GART: variants seen among roughly 807,000 people sequenced by gnomAD.
The protein encoded by GART is phosphoribosylglycinamide formyltransferase, phosphoribosylglycinamide synthetase, phosphoribosylaminoimidazole synthetase, also known as trifunctional purine biosynthetic protein adenosine-3.
Under a neutral mutation model 107.2 loss-of-function variants are expected in GART, and 43 were observed. That is an observed-to-expected ratio of 0.40 (90% CI 0.31 to 0.52). The LOEUF is 0.52. GART is among the 20% of genes least tolerant of loss of function. The pLI is 0.52. For missense variants in GART, 1,107 were observed against 1,206.5 expected (o/e 0.92, Z 1.22); for synonymous variants, 434 against 427.0 (o/e 1.02, Z -0.20).
At chr21:33,542,812 G>A (rs1385168648), upstream of GART, 7 of 526,254 alleles carry the variant, frequency 1.3e-5, no homozygotes, top group East Asian at 1.0e-4. Flanking sequence ...CGCCTCAAGA[G>A]AGACGGCTCC....
rs1397938287 is a variant in GART at position 33,528,673 on chromosome 21, T to C, written c.812-69A>G. On this transcript the variant is annotated intron_variant, in intron 8 of 21. Transcript: ENST00000381815. ...TATGATGAAGACACTGTATTACAAATATAAAATCTACTACATAAACTTCTA... is the reference window on the plus strand; with the variant it reads ...TATGATGAAGACACTGTATTACAAACATAAAATCTACTACATAAACTTCTA... The C allele has an allele frequency of 2.8e-6, 3 of 1,082,182 alleles. No individual in the cohort carries two copies. The Admixed American group carries it at 9.2e-5, about 33-fold the overall frequency. 67.0% of individuals were successfully genotyped at this position (1,082,182 alleles called of 1,614,324 possible).
rs2084900040 is a variant in GART, at chr21:33,517,511, AG to A, written c.1799del (p.Pro600LeufsTer15). ...CACCCTCAGTGATTCTTTCCAGGTG[AG>A]GGAGTTTCTGATCTCGCTCCATGGC... Reference protein sequence around the residue: ...VGAMERDQKLPHLERITEGDV... With the variant: ...VGAMERDQKLXHLERITEGDV... On this transcript the variant is annotated frameshift_variant, in exon 15 of 22. Coordinates refer to ENST00000381815, the MANE Select transcript of GART (RefSeq NM_000819.5). LOFTEE classifies it high-confidence loss of function. 1.9e-6 allele frequency: 3 copies of A among 1,614,100 alleles called. No individual in the cohort carries two copies. The highest frequency in any genetic ancestry group is 1.3e-5 in the African/African-American group (1 of 74,936).
rs769851574 is a variant in GART at position 33,535,258 on chromosome 21, C to T, written c.208G>A (p.Val70Ile). Residue 70 changes from valine to isoleucine, a missense_variant, in exon 3 of 22, where the codon GTA becomes ATA. Transcript: ENST00000381815. ...QFCKEKKIEF[V>I]VVGPEAPLAA... ...AGAGGTGCTTCTGGTCCAACAACTA[C>T]AAATTCAATTTTCTTCTCTTTGCAG... 2.0e-5 allele frequency: 27 copies of T among 1,381,846 alleles called. No homozygotes were observed. Among genetic ancestry groups the T allele is most frequent in the Non-Finnish European group, 1.1e-5 (11 of 1,037,614 alleles). 85.6% of individuals were successfully genotyped at this position (1,381,846 alleles called of 1,614,324 possible).
chr21:33,510,655 G>A (rs1331994760), intron 17 of GART, among the ~76,000 whole-genome samples: 1 of 152,144 alleles, frequency 6.6e-6, no homozygotes, highest in Non-Finnish European at 1.5e-5. Flanking sequence ...ATTGTAATGT[G>A]AGCTGAAGGA....
chr21:33,525,016 T>C lies in GART; in HGVS notation c.1067-16A>G, dbSNP rs1032646663. On this transcript the variant is annotated splice_polypyrimidine_tract_variant and intron_variant, in intron 10 of 21. Coordinates refer to ENST00000381815, the MANE Select transcript of GART (RefSeq NM_000819.5). ...TCAGGAAACCCTAGAAGAGAGCATA[T>C]TTGACATATGATTTCAAATAGCAAC... 6.2e-7 allele frequency: 1 copy of C among 1,605,106 alleles called. No individual in the cohort carries two copies. Among genetic ancestry groups the C allele is most frequent in the Admixed American group, 1.7e-5 (1 of 58,148 alleles).
rs376188942 is a variant in GART at position 33,504,085 on chromosome 21, A to G, written c.*39T>C. The stretch of plus-strand genomic sequence containing the variant: ...AAAACCACCATGCAAACAGCAAATA[A>G]TTCTTTCTAAACTGGCCCCATTTCT... On this transcript the variant is annotated 3_prime_UTR_variant, in exon 22 of 22. Transcript: ENST00000381815. The G allele has an allele frequency of 1.6e-5, 25 of 1,540,802 alleles. No homozygotes were observed. In the African/African-American group the frequency reaches 2.6e-4, roughly 16 times the overall value.
At chr21:33,512,344 C>T (rs186542529) in intron 16 of GART, among the ~76,000 whole-genome samples, 1 of 102,710 alleles carries the variant, frequency 9.7e-6, no homozygotes, top group Non-Finnish European at 2.1e-5. Flanking sequence ...AATAATACAA[C>T]AAAAATCTCT....
chr21:33,505,463 G>A (rs926393242), intron 20 of GART, 98 bp downstream of exon 20: 12 of 956,560 alleles, frequency 1.3e-5, no homozygotes, highest in Non-Finnish European at 1.7e-5. Context: ...TGGATTTCTG[G>A]GATGGGTGTT....
chr21:33,504,371 C>G (rs1279981983), intron 21 of GART, 41 bp downstream of exon 21: 2 of 1,609,254 alleles, frequency 1.2e-6, no homozygotes, highest in Admixed American at 1.7e-5. Context: ...TCATTTACAT[C>G]TGACTACTAA....
intron 1 of GART, among the ~76,000 whole-genome samples, chr21:33,541,073 C>T (rs2085405516): frequency 6.6e-6 from 1 of 151,852 alleles, no homozygotes; most frequent in African/African-American, 2.4e-5. Flanking sequence ...TCGGAAGGAA[C>T]AGCTACTTTA....
chr21:33,528,647 C>T (rs2085121999), intron 8 of GART, 43 bp from the exon 9 acceptor site: 7 of 1,303,994 alleles, frequency 5.4e-6, no homozygotes, highest in Non-Finnish European at 7.4e-6. Flanking sequence ...GAAAGAAAAT[C>T]TATGATGAAG....
At chr21:33,542,127 G>T (rs767121078), upstream of GART, 4 of 152,070 alleles carry the variant, frequency 2.6e-5, no homozygotes, top group Admixed American at 2.6e-4. Flanking sequence ...CACCGGGACC[G>T]GCGCGGGACC....
intron 1 of GART, among the ~76,000 whole-genome samples, chr21:33,541,617 A>G (rs2085427860): frequency 6.6e-6 from 1 of 152,206 alleles, no homozygotes; most frequent in African/African-American, 2.4e-5. Context: ...ACGCTGCCCC[A>G]TACTAGCAGG....
chr21:33,516,874 G>T, intron 16 of GART, 115 bp downstream of exon 16: 1 of 899,798 alleles, frequency 1.1e-6, no homozygotes, highest in Non-Finnish European at 1.7e-6. Context: ...AACCCCCAAT[G>T]ATTAAGAATT....
chr21:33,518,718 G>T, intron 14 of GART: 4 of 440,106 alleles, frequency 9.1e-6, no homozygotes, highest in South Asian at 1.8e-5. Context: ...CTCCTTACAA[G>T]ATCTAGAACT....
At position 33,530,782 on chromosome 21, in the gene GART, C is replaced by G; in HGVS notation, c.700G>C (p.Gly234Arg). 6.6e-7 allele frequency: 1 copy of G among 1,515,580 alleles called. No homozygotes were observed. The highest frequency in any genetic ancestry group is 8.8e-7 in the Non-Finnish European group (1 of 1,137,622). The allele number at this position is 1,515,580 out of a possible 1,614,324, so 93.9% of individuals were successfully genotyped here. Residue 234 changes from glycine (G) to arginine (R), a missense_variant, in exon 7 of 22, where the codon GGA (glycine) becomes CGA (arginine). By Grantham distance (125) the Gly-to-Arg change is moderately radical. Transcript: ENST00000381815. The part of the protein sequence containing the change: ...GDGGPNTGGM[G>R]AYCPAPQVSN... ...ACCTGAGGGGCTGGACAATAGGCTC[C>G]CATTCCCCCTGTGTTAGGGCCACCA...
intron 7 of GART, among the ~76,000 whole-genome samples, chr21:33,530,222 G>A (rs752628473): frequency 4.6e-5 from 7 of 152,206 alleles, no homozygotes; most frequent in Non-Finnish European, 8.8e-5. Flanking sequence ...AAACTGTGCC[G>A]AAATTGTTTG....
In GART at chr21:33,504,091, T is replaced by C. The variant is rs1316271942; in HGVS notation, c.*33A>G. ...ACCATGCAAACAGCAAATAATTCTTTCTAAACTGGCCCCATTTCTGAATTA... is the reference window on the plus strand; with the variant it reads ...ACCATGCAAACAGCAAATAATTCTTCCTAAACTGGCCCCATTTCTGAATTA... On this transcript the variant is annotated 3_prime_UTR_variant, in exon 22 of 22. Transcript: ENST00000381815. The C allele has an allele frequency of 1.3e-6, 2 of 1,559,068 alleles. No homozygotes were observed. The highest frequency in any genetic ancestry group is 2.3e-5 in the East Asian group (1 of 44,326).
intron 14 of GART, chr21:33,518,980 C>T: frequency 2.8e-6 from 1 of 357,632 alleles, no homozygotes; most frequent in South Asian, 2.4e-5. Context: ...AACATACTCA[C>T]CCCTTCAATA....
Sources: gnomAD v4.1 joint callset for allele counts (sites outside exome capture counted in the v4.1 genomes callset) on GRCh38, gnomAD v4.1.1 for gene constraint, MANE v1.5 for transcripts, NCBI Gene and HGNC (gene_info 2026-07-23, HGNC 2026-07-21) for gene names.